CHFR: variants seen among roughly 807,000 people sequenced by gnomAD.
The protein encoded by CHFR is E3 ubiquitin-protein ligase CHFR.
A neutral mutation model predicts 87.6 loss-of-function variants in CHFR; 57 were observed. The observed-to-expected ratio is 0.65, with a 90% confidence interval of 0.53 to 0.81. The LOEUF (loss-of-function observed/expected upper bound fraction) is 0.81, where lower values mean the gene tolerates loss of function less well. CHFR is among the 30% of genes least tolerant of loss of function. The pLI is 0.00. For synonymous variants in CHFR, 381 were observed against 359.2 expected, an observed-to-expected ratio of 1.06 and a Z score of -0.69; for missense variants, 797 against 865.8, an observed-to-expected ratio of 0.92 and a Z score of 1.00.
At chr12:132,845,670 T>G (rs1342824042) in intron 15 of CHFR, among the ~76,000 whole-genome samples, 1 of 151,870 alleles carries the variant, frequency 6.6e-6, no homozygotes, top group Non-Finnish European at 1.5e-5. Flanking sequence ...TTCTACAGCC[T>G]CCCTTAGTGA....
At position 132,843,058 on chromosome 12, in the gene CHFR, G is replaced by A; in HGVS notation, c.1869C>T (p.Cys623=). 1.2e-6 allele frequency: 2 copies of A among 1,613,560 alleles called. No homozygotes were observed. The highest frequency in any genetic ancestry group is 1.7e-6 in the Non-Finnish European group (2 of 1,179,812). Residue 623 remains cysteine, a synonymous_variant, in exon 17 of 18, where the codon TGC becomes TGT. Transcript: ENST00000450056. ...LPVAVTSRPD[C]YWGRNCRTQV... Reference sequence around the variant, plus strand: ...GAGTGCGGCAGTTACGGCCCCAGTAGCAGTCAGGACGGGATGTTACGGCCA... The same window carrying A: ...GAGTGCGGCAGTTACGGCCCCAGTAACAGTCAGGACGGGATGTTACGGCCA...
intron 13 of CHFR, 117 bp from the exon 14 acceptor site, chr12:132,848,272 A>T (rs551208143): frequency 1.6e-5 from 24 of 1,542,762 alleles, no homozygotes; most frequent in Non-Finnish European, 2.0e-5. Flanking sequence ...AAAGAATAAG[A>T]AGTTCAATGA....
chr12:132,880,979 A>C (rs558042110), intron 2 of CHFR, among the ~76,000 whole-genome samples: 1 of 151,152 alleles, frequency 6.6e-6, no homozygotes, highest in Non-Finnish European at 1.5e-5. Flanking sequence ...ACAACAAAAA[A>C]AGTAAGGCTG....
chr12:132,863,225 AT>A (rs1164367407), intron 6 of CHFR, among the ~76,000 whole-genome samples: 2 of 149,674 alleles, frequency 1.3e-5, no homozygotes, highest in Non-Finnish European at 3.0e-5. Context: ...AAAAAAAAAA[AT>A]GCCAGGCGCG....
chr12:132,860,017 C>A (rs910113558), intron 7 of CHFR, among the ~76,000 whole-genome samples: 6 of 152,116 alleles, frequency 3.9e-5, no homozygotes, highest in African/African-American at 1.4e-4. Flanking sequence ...GGCGCTCTGG[C>A]CTAGGTGACA....
chr12:132,872,431 A>T lies in CHFR; in HGVS notation c.234-37T>A, dbSNP rs781395671. The T allele has an allele frequency of 2.0e-6, 3 of 1,499,274 alleles. No homozygotes were observed. The African/African-American group carries it at 4.1e-5, about 21-fold the overall frequency. 92.9% of individuals were successfully genotyped at this position (1,499,274 alleles called of 1,614,324 possible). ...CAAAAACACAATTTATTCTACTTAA[A>T]ATAACTTGGAGTTACAAGATTTTTT... On this transcript the variant is annotated intron_variant, in intron 3 of 17. Coordinates refer to ENST00000450056, the MANE Select transcript of CHFR (RefSeq NM_001161346.2).
rs1950685303 is a variant in CHFR at position 132,840,244 on chromosome 12, G to C, written c.*1310C>G. ...AGTCACTGAGGGACAGCAGGTGACA[G>C]AGTGACCATCACTAGCAGTGAGGCA... On this transcript the variant is annotated 3_prime_UTR_variant, in exon 18 of 18. Coordinates refer to ENST00000450056, the MANE Select transcript of CHFR (RefSeq NM_001161346.2). 6.6e-6 allele frequency: 1 copy of C among 152,420 alleles called. No homozygotes were observed. Among genetic ancestry groups the C allele is most frequent in the Non-Finnish European group, 1.5e-5 (1 of 68,110 alleles). 9.4% of individuals were successfully genotyped at this position (152,420 alleles called of 1,614,324 possible).
intron 14 of CHFR, chr12:132,847,869 C>T (rs945091049): frequency 7.1e-6 from 10 of 1,405,400 alleles, no homozygotes; most frequent in South Asian, 3.1e-5. Context: ...GGCACAAAAA[C>T]GAAATACCTA....
intron 2 of CHFR, among the ~76,000 whole-genome samples, chr12:132,885,883 G>T (rs1951880892): frequency 6.6e-6 from 1 of 152,148 alleles, no homozygotes; most frequent in Admixed American, 6.5e-5. Context: ...TAAAGACAAA[G>T]GGAAAAATCT....
chr12:132,847,674 C>A (rs1384356796), intron 14 of CHFR: 1 of 1,098,780 alleles, frequency 9.1e-7, no homozygotes, highest in East Asian at 7.0e-5. Flanking sequence ...ATATGTAAAT[C>A]CTAGAAACCG....
At chr12:132,858,290 G>A (rs979365146) in intron 8 of CHFR, among the ~76,000 whole-genome samples, 2 of 152,102 alleles carry the variant, frequency 1.3e-5, no homozygotes, top group Admixed American at 6.6e-5. Context: ...AACCTGGGAG[G>A]TGGAGGTTGC....
Position 132,835,093 on chromosome 12 carries a change from C to G in CHFR, c.*6461G>C, listed in dbSNP as rs1300405111. On this transcript the variant is annotated 3_prime_UTR_variant, in exon 18 of 18. Transcript: ENST00000450056. The stretch of plus-strand genomic sequence containing the variant: ...CTAATCCAGGATCCTCCCCTCATCT[C>G]AAGGTCCTTAATTCCACCATATCTG... 5 of 152,256 alleles carry G rather than the reference C, an allele frequency of 3.3e-5. No individual in the cohort carries two copies. Among genetic ancestry groups the G allele is most frequent in the Admixed American group, 6.5e-5 (1 of 15,280 alleles). 9.4% of individuals were successfully genotyped at this position (152,256 alleles called of 1,614,324 possible).
At chr12:132,878,321 T>C (rs1374584002) in intron 2 of CHFR, among the ~76,000 whole-genome samples, 1 of 151,438 alleles carries the variant, frequency 6.6e-6, no homozygotes, top group African/African-American at 2.4e-5. Flanking sequence ...ATACAAAAAT[T>C]AGCTGGGCAT....
At chr12:132,844,813 A>G (rs547640410) in intron 15 of CHFR, among the ~76,000 whole-genome samples, 11 of 150,950 alleles carry the variant, frequency 7.3e-5, no homozygotes, top group East Asian at 2.0e-4. Flanking sequence ...ATACTTTTTT[A>G]GTAGAGATGG....
intron 2 of CHFR, among the ~76,000 whole-genome samples, chr12:132,878,399 G>A (rs1026469584): frequency 6.6e-6 from 1 of 151,850 alleles, no homozygotes; most frequent in African/African-American, 2.4e-5. Context: ...AACCCAGGAG[G>A]CAGAGGTTGC....
chr12:132,835,747 G>C lies in CHFR; in HGVS notation c.*5807C>G, dbSNP rs1950641305. ...GCGTTTTGATCCAGCGGCCCAAGTG[G>C]ACCCACATTCAAGGCCAGCACTGGG... On this transcript the variant is annotated 3_prime_UTR_variant, in exon 18 of 18. Transcript: ENST00000450056. 1 of 268,084 alleles carries C rather than the reference G, an allele frequency of 3.7e-6. No homozygotes were observed. Among genetic ancestry groups the C allele is most frequent in the Admixed American group, 5.2e-5 (1 of 19,264 alleles). 16.6% of individuals were successfully genotyped at this position (268,084 alleles called of 1,614,324 possible).
chr12:132,859,684 G>C (rs989216097), intron 7 of CHFR, among the ~76,000 whole-genome samples: 2 of 152,080 alleles, frequency 1.3e-5, no homozygotes, highest in Non-Finnish European at 2.9e-5. Flanking sequence ...ATAATGCTCA[G>C]ATGTTGGTAA....
At position 132,852,070 on chromosome 12, in the gene CHFR, G is replaced by A. The variant is rs1264801773; in HGVS notation, c.1373-333C>T. On this transcript the variant is annotated intron_variant, in intron 11 of 17. Coordinates refer to ENST00000450056, the MANE Select transcript of CHFR (RefSeq NM_001161346.2). ...GTGATCTCGGCTCACTGCAAGCTCCGCCTCCCGGGTTCACGCCATTCTCCT... is the reference window on the plus strand; with the variant it reads ...GTGATCTCGGCTCACTGCAAGCTCCACCTCCCGGGTTCACGCCATTCTCCT... Among the ~76,000 whole-genome samples the A allele has an allele frequency of 4.6e-5, 7 of 151,520 alleles. No homozygotes were observed. The Middle Eastern group carries it at 0.01, about 222-fold the overall frequency.
At position 132,833,738 on chromosome 12, in the gene CHFR, G is replaced by A. The variant is rs1165218456; in HGVS notation, c.*7816C>T. ...GAGGTGGGAGGATCATCTGAGCCCAGGAGGTGGAGGCTGCAGTGAGCTGAC... is the reference window on the plus strand; with the variant it reads ...GAGGTGGGAGGATCATCTGAGCCCAAGAGGTGGAGGCTGCAGTGAGCTGAC... On this transcript the variant is annotated 3_prime_UTR_variant, in exon 18 of 18. Transcript: ENST00000450056. 6.6e-6 allele frequency: 1 copy of A among 152,424 alleles called. No individual in the cohort carries two copies. The highest frequency in any genetic ancestry group is 2.4e-5 in the African/African-American group (1 of 41,442). 9.4% of individuals were successfully genotyped at this position (152,424 alleles called of 1,614,324 possible). A position where few individuals can be genotyped will look rare whatever the true frequency, so the allele number is the denominator to read the frequency against.
Sources: allele counts gnomAD v4.1 joint callset (sites outside exome capture counted in the v4.1 genomes callset), GRCh38; gene constraint gnomAD v4.1.1; transcripts MANE v1.5; gene names NCBI Gene and HGNC (gene_info 2026-07-23, HGNC 2026-07-21).